Variants in RBBP9 observed in about 807,000 individuals in gnomAD.
RBBP9 encodes serine hydrolase RBBP9.
In RBBP9, 20 loss-of-function variants were observed where a neutral mutation model predicts 24.2. The observed-to-expected ratio is 0.83, with a 90% CI of 0.58 to 1.20. The LOEUF is 1.20. Ranked by LOEUF, RBBP9 falls within the 50% of genes most tolerant of loss-of-function variation. RBBP9 has a pLI of 0.00. For synonymous variants in RBBP9, 74 were observed against 84.6 expected, an observed-to-expected ratio of 0.87 and a Z score of 0.69; for missense variants, 234 against 233.6, an observed-to-expected ratio of 1.00 and a Z score of -0.01.
intron 1 of RBBP9, among the ~76,000 whole-genome samples, chr20:18,496,488 T>C (rs985450234): frequency 4.6e-5 from 7 of 152,228 alleles, no homozygotes; most frequent in African/African-American, 1.7e-4. Flanking sequence ...AACAGTCTGT[T>C]GTTTAAAAGG....
chr20:18,497,175 G>C lies in RBBP9; in HGVS notation c.-8C>G, dbSNP rs376290491. ...CTTGCTAGGAGAAGCCATGAGTGCA[G>C]CGAGGCCAGAGTTCCCCAGCGCGGG... On this transcript the variant is annotated 5_prime_UTR_variant, in exon 1 of 5. Transcript: ENST00000337227. 1 of 1,610,848 alleles carries C rather than the reference G, an allele frequency of 6.2e-7. No homozygotes were observed. Among genetic ancestry groups the C allele is most frequent in the Non-Finnish European group, 8.5e-7 (1 of 1,177,244 alleles).
chr20:18,492,343 A>G (rs1269870017), intron 3 of RBBP9, among the ~76,000 whole-genome samples: 1 of 152,104 alleles, frequency 6.6e-6, no homozygotes, highest in African/African-American at 2.4e-5. Context: ...ATTGCATTTT[A>G]TTTTCATGGC....
chr20:18,496,198 T>G (rs2424222), intron 1 of RBBP9, among the ~76,000 whole-genome samples: 152,204 of 152,348 alleles, frequency 1, 76,031 homozygotes, highest in Middle Eastern at 1. Flanking sequence ...TAGACTGTGT[T>G]CCAGGGAGTA....
In RBBP9 at chr20:18,487,700, C is replaced by G. The variant is rs1386369980; in HGVS notation, c.*2064G>C. On this transcript the variant is annotated 3_prime_UTR_variant, in exon 5 of 5. Transcript: ENST00000337227. ...GGCATGGTGGCTCATGCCTGTAATC[C>G]CAACACTTTGGGCGGCTGAGGTGGG... is the stretch of plus-strand genomic sequence containing the variant. 1 of 152,098 alleles carries G rather than the reference C, an allele frequency of 6.6e-6. No homozygotes were observed. The highest frequency in any genetic ancestry group is 1.5e-5 in the Non-Finnish European group (1 of 68,054). 9.4% of individuals were successfully genotyped at this position (152,098 alleles called of 1,614,324 possible).
At chr20:18,495,688 A>G in intron 2 of RBBP9, 150 bp downstream of exon 2, 1 of 506,374 alleles carries the variant, frequency 2.0e-6, no homozygotes, top group East Asian at 3.5e-5. Context: ...TTTGGTTCAC[A>G]CCCTCCTCCC....
chr20:18,490,944 G>T (rs1473892037), intron 3 of RBBP9, among the ~76,000 whole-genome samples: 1 of 152,192 alleles, frequency 6.6e-6, no homozygotes, highest in African/African-American at 2.4e-5. Flanking sequence ...CTCCTAAAGT[G>T]CTGGGATTAC....
chr20:18,495,054 C>T (rs977080185), intron 2 of RBBP9, among the ~76,000 whole-genome samples: 4 of 151,822 alleles, frequency 2.6e-5, no homozygotes, highest in Non-Finnish European at 5.9e-5. Context: ...GTGAGGAGCC[C>T]CTCTGTCCGG....
At chr20:18,496,423 A>T (rs771994153) in intron 1 of RBBP9, among the ~76,000 whole-genome samples, 6 of 152,262 alleles carry the variant, frequency 3.9e-5, no homozygotes, top group Non-Finnish European at 7.3e-5. Flanking sequence ...CAAACGGCAC[A>T]GGTCAGCCTA....
chr20:18,488,454 T>C lies in RBBP9; in HGVS notation c.*1310A>G, dbSNP rs933123538. 2.0e-5 allele frequency: 3 copies of C among 152,380 alleles called. No homozygotes were observed. Among genetic ancestry groups the C allele is most frequent in the South Asian group, 2.0e-4 (1 of 4,970 alleles). The allele number at this position is 152,380 out of a possible 1,614,324, so 9.4% of individuals were successfully genotyped here. A position where few individuals can be genotyped will look rare whatever the true frequency, so the allele number is the denominator to read the frequency against. On this transcript the variant is annotated 3_prime_UTR_variant, in exon 5 of 5. Coordinates refer to ENST00000337227, the MANE Select transcript of RBBP9 (RefSeq NM_006606.3). ...CTAATGTTTTAATATTTTGTAGAGA[T>C]GGGGTCTTGCTGTGTTGCCCTGGCT...
chr20:18,495,816 TA>T (rs1291835090), intron 2 of RBBP9, 21 bp downstream of exon 2: 1 of 1,540,700 alleles, frequency 6.5e-7, no homozygotes, highest in Non-Finnish European at 9.0e-7. Flanking sequence ...TGAGGCTATT[TA>T]AAAACAAGTT....
At chr20:18,496,967 G>A (rs1471647219) in intron 1 of RBBP9, 102 bp downstream of exon 1, 2 of 908,406 alleles carry the variant, frequency 2.2e-6, no homozygotes, top group African/African-American at 3.3e-5. Context: ...ACAGGGCTTT[G>A]CTAGAGGGGA....
Position 18,487,873 on chromosome 20 carries a change from C to T in RBBP9, c.*1891G>A, listed in dbSNP as rs1212567343. 2 of 152,178 alleles carry T rather than the reference C, an allele frequency of 1.3e-5. No homozygotes were observed. The highest frequency in any genetic ancestry group is 3.9e-4 in the East Asian group (2 of 5,190). The allele number at this position is 152,178 out of a possible 1,614,324, so 9.4% of individuals were successfully genotyped here. A position where few individuals can be genotyped will look rare whatever the true frequency, so the allele number is the denominator to read the frequency against. Reference sequence around the variant, plus strand: ...AGGCTGAGATGAGAATCACTTGAACCCGGGAGGTGCAGGTTAGAGTGAGCT... The same window carrying T: ...AGGCTGAGATGAGAATCACTTGAACTCGGGAGGTGCAGGTTAGAGTGAGCT... On this transcript the variant is annotated 3_prime_UTR_variant, in exon 5 of 5. Coordinates refer to ENST00000337227, the MANE Select transcript of RBBP9 (RefSeq NM_006606.3).
chr20:18,496,680 G>T (rs533900994), intron 1 of RBBP9, among the ~76,000 whole-genome samples: 1 of 152,116 alleles, frequency 6.6e-6, no homozygotes, highest in African/African-American at 2.4e-5. Flanking sequence ...CGCATGTTAC[G>T]TATATCCTTT....
chr20:18,495,516 C>A (rs894451287), intron 2 of RBBP9, among the ~76,000 whole-genome samples: 1 of 150,832 alleles, frequency 6.6e-6, no homozygotes, highest in East Asian at 1.9e-4. Context: ...ATCTGCTGAC[C>A]TTCCCTCCAC....
At chr20:18,490,304 C>A in intron 4 of RBBP9, 91 bp downstream of exon 4, 1 of 994,522 alleles carries the variant, frequency 1.0e-6, no homozygotes, top group Admixed American at 2.0e-5. Flanking sequence ...ATTTTTTAGC[C>A]TATCTGAAAG....
intron 3 of RBBP9, among the ~76,000 whole-genome samples, chr20:18,492,750 C>G (rs1284385040): frequency 6.6e-6 from 1 of 152,170 alleles, no homozygotes; most frequent in Non-Finnish European, 1.5e-5. Context: ...CCTCCCTTAA[C>G]TTTAGAAGTC....
intron 2 of RBBP9, 22 bp downstream of exon 2, chr20:18,495,816 T>C: frequency 6.5e-7 from 1 of 1,540,700 alleles, no homozygotes; most frequent in Non-Finnish European, 9.0e-7. Context: ...TGAGGCTATT[T>C]AAAAACAAGT....
At chr20:18,495,793 AAACCC>A in intron 2 of RBBP9, 40 bp downstream of exon 2, 1 of 1,519,580 alleles carries the variant, frequency 6.6e-7, no homozygotes, top group Non-Finnish European at 9.1e-7. Context: ...GGTAATATCA[AAACCC>A]AACAAGATGA....
In RBBP9 at chr20:18,490,357, G is replaced by T; in HGVS notation, c.334+38C>A. The T allele has an allele frequency of 2.0e-6, 3 of 1,515,452 alleles. No homozygotes were observed. In the South Asian group the frequency reaches 3.4e-5, roughly 17 times the overall value. 93.9% of individuals were successfully genotyped at this position (1,515,452 alleles called of 1,614,324 possible). On this transcript the variant is annotated intron_variant, in intron 4 of 4. Transcript: ENST00000337227. ...ACCTAAACAGACAGCCCCATGTCTA[G>T]AGAAGGGCTTTGCTCAGATTTCTAC...
Sources: allele counts gnomAD v4.1 joint callset (sites outside exome capture counted in the v4.1 genomes callset), GRCh38; gene constraint gnomAD v4.1.1; transcripts MANE v1.5; gene names NCBI Gene and HGNC (gene_info 2026-07-23, HGNC 2026-07-21).